Variants in SCFD2 observed in about 807,000 individuals in gnomAD.
The protein encoded by SCFD2 is sec1 family domain containing 2.
SCFD2 carries 54 observed loss-of-function variants against 58.9 expected under a neutral mutation model. The ratio of observed to expected loss-of-function variants is 0.92; its 90% confidence interval spans 0.74 to 1.15. The LOEUF (loss-of-function observed/expected upper bound fraction) is 1.15, where lower values mean the gene tolerates loss of function less well. Among genes scored for constraint, SCFD2 ranks in the 50% most tolerant of loss-of-function variants. SCFD2 has a pLI of 0.00. For synonymous variants in SCFD2, 321 were observed against 335.9 expected, an observed-to-expected ratio of 0.96 and a Z score of 0.49; for missense variants, 805 against 836.6, an observed-to-expected ratio of 0.96 and a Z score of 0.47.
rs764791570 is a variant in SCFD2 at position 53,343,084 on chromosome 4, A to C, written c.1007+9514T>G. The stretch of plus-strand genomic sequence containing the variant: ...AAGAGCAAACACATTCAAAAGCTAG[A>C]AGAAGGCAAGAAATAACGAAGATCA... On this transcript the variant is annotated intron_variant, in intron 2 of 8. Transcript: ENST00000401642. 4.5e-4 allele frequency among the ~76,000 whole-genome samples: 69 copies of C among 152,212 alleles called. 2 individuals carry two copies. Among genetic ancestry groups the C allele is most frequent in the Admixed American group, 2.0e-3 (30 of 15,274 alleles).
At chr4:53,257,808 T>A (rs1395416292) in intron 4 of SCFD2, among the ~76,000 whole-genome samples, 2 of 152,082 alleles carry the variant, frequency 1.3e-5, no homozygotes, top group Admixed American at 6.6e-5. Context: ...GATTTAAAAA[T>A]CTCTTTATGT....
chr4:53,185,315 G>T (rs899212388), intron 4 of SCFD2, among the ~76,000 whole-genome samples: 3 of 152,016 alleles, frequency 2.0e-5, no homozygotes, highest in Non-Finnish European at 4.4e-5. Context: ...ACCAAGAATG[G>T]CACCCTTGAA....
At chr4:53,030,210 C>A (rs1391170812) in intron 5 of SCFD2, among the ~76,000 whole-genome samples, 1 of 151,864 alleles carries the variant, frequency 6.6e-6, no homozygotes, top group Non-Finnish European at 1.5e-5. Context: ...GGCAAATAAG[C>A]ACATGAAAAG....
At chr4:53,053,222 CA>C (rs1277787453) in intron 5 of SCFD2, among the ~76,000 whole-genome samples, 3,434 of 77,496 alleles carry the variant, frequency 0.044, 200 homozygotes, top group Admixed American at 0.25. Flanking sequence ...GACACCGTCT[CA>C]AAAAAAAAAA....
chr4:52,975,041 A>G (rs532343821), intron 5 of SCFD2, among the ~76,000 whole-genome samples: 1 of 152,340 alleles, frequency 6.6e-6, no homozygotes, highest in Non-Finnish European at 1.5e-5. Flanking sequence ...AAAGACTTAA[A>G]TGTTAGACCT....
At chr4:52,885,084 A>G (rs1718703298) in intron 8 of SCFD2, among the ~76,000 whole-genome samples, 1 of 152,280 alleles carries the variant, frequency 6.6e-6, no homozygotes, top group Non-Finnish European at 1.5e-5. Flanking sequence ...TGGGCCACAG[A>G]GCCAGTTTTC....
intron 5 of SCFD2, among the ~76,000 whole-genome samples, chr4:52,998,021 AG>A (rs934155738): frequency 6.6e-6 from 1 of 152,190 alleles, no homozygotes; most frequent in African/African-American, 2.4e-5. Context: ...TATAAATGCA[AG>A]GGACTTTTGA....
intron 5 of SCFD2, among the ~76,000 whole-genome samples, chr4:52,969,655 T>G (rs1721047580): frequency 6.6e-6 from 1 of 152,146 alleles, no homozygotes; most frequent in South Asian, 2.1e-4. Context: ...CCTCAGTGAT[T>G]GTGGAAGTGT....
chr4:52,999,849 G>A (rs1721827109), intron 5 of SCFD2, among the ~76,000 whole-genome samples: 1 of 152,188 alleles, frequency 6.6e-6, no homozygotes, highest in African/African-American at 2.4e-5. Context: ...TGTCAGAGAC[G>A]ACTTCCTTGT....
chr4:52,899,971 T>A (rs1175693059), intron 7 of SCFD2, among the ~76,000 whole-genome samples: 1 of 152,258 alleles, frequency 6.6e-6, no homozygotes, highest in African/African-American at 2.4e-5. Context: ...ATTCGTCACG[T>A]AGTTCTCGTG....
intron 5 of SCFD2, chr4:52,948,203 C>T: frequency 4.3e-6 from 1 of 234,420 alleles, no homozygotes; most frequent in South Asian, 5.9e-5. Flanking sequence ...CTATTACATG[C>T]CTGGAACACA....
rs9685086 is a variant in SCFD2, at chr4:53,250,979, A to C, written c.1311+22847T>G. On this transcript the variant is annotated intron_variant, in intron 4 of 8. Transcript: ENST00000401642. ...GAGCTGGTTTTTTGAAAAGATCAAC[A>C]AACTTGATAGACTAATAAAGAAGAA... Among the ~76,000 whole-genome samples, 1,316 of 152,138 alleles carry C rather than the reference A, an allele frequency of 8.7e-3. 20 individuals carry two copies. Among genetic ancestry groups the C allele is most frequent in the African/African-American group, 0.03 (1,239 of 41,548 alleles).
At chr4:53,179,116 C>T (rs528407090) in intron 4 of SCFD2, among the ~76,000 whole-genome samples, 13 of 152,208 alleles carry the variant, frequency 8.5e-5, no homozygotes, top group East Asian at 3.9e-4. Context: ...TCTAGCAAGG[C>T]GGGCCAACAT....
intron 4 of SCFD2, among the ~76,000 whole-genome samples, chr4:53,222,411 G>C (rs912696014): frequency 6.6e-6 from 1 of 152,164 alleles, no homozygotes; most frequent in African/African-American, 2.4e-5. Flanking sequence ...AAGCTTAACT[G>C]TCATTTTTAT....
intron 4 of SCFD2, among the ~76,000 whole-genome samples, chr4:53,238,309 ACCC>A (rs1248029404): frequency 1.3e-5 from 1 of 77,154 alleles, no homozygotes; most frequent in African/African-American, 5.5e-5. Context: ...GTGGGGGCTG[ACCC>A]CCCCACCTCC....
chr4:53,177,758 G>C (rs1377181839), intron 4 of SCFD2, among the ~76,000 whole-genome samples: 3 of 152,186 alleles, frequency 2.0e-5, no homozygotes, highest in South Asian at 2.1e-4. Flanking sequence ...CCTAGTCAAA[G>C]AAAGCAGTGA....
chr4:53,249,643 C>T (rs1451919867), intron 4 of SCFD2, among the ~76,000 whole-genome samples: 2 of 152,092 alleles, frequency 1.3e-5, no homozygotes, highest in African/African-American at 4.8e-5. Context: ...AGAGTGGGGG[C>T]CAATAATCAA....
At chr4:53,012,997 T>C (rs1722132718) in intron 5 of SCFD2, among the ~76,000 whole-genome samples, 1 of 152,136 alleles carries the variant, frequency 6.6e-6, no homozygotes. Context: ...TCCACCACAC[T>C]TCCACTGTTA....
At chr4:53,238,560 C>T (rs1321842186) in intron 4 of SCFD2, among the ~76,000 whole-genome samples, 44 of 150,896 alleles carry the variant, frequency 2.9e-4, no homozygotes, top group African/African-American at 9.3e-4. Context: ...CCTCACTTCC[C>T]AGATGGGGCG....
Sources: allele counts gnomAD v4.1 joint callset (sites outside exome capture counted in the v4.1 genomes callset), GRCh38; gene constraint gnomAD v4.1.1; transcripts MANE v1.5; gene names NCBI Gene and HGNC (gene_info 2026-07-23, HGNC 2026-07-21).